Variants in CASR observed in about 807,000 individuals in gnomAD.
The protein encoded by CASR is calcium sensing receptor.
In CASR, 23 loss-of-function variants were observed where a neutral mutation model predicts 69.1. That is an observed-to-expected ratio of 0.33 (90% CI 0.24 to 0.47). The LOEUF is 0.47. Among genes scored for constraint, CASR ranks in the 20% least tolerant of loss-of-function variants. The pLI, the probability that CASR is intolerant of heterozygous loss-of-function variation, is 1.00. For synonymous variants in CASR, 541 were observed against 544.7 expected (o/e 0.99, Z 0.10); for missense variants, 924 against 1,356.1 (o/e 0.68, Z 5.00).
chr3:122,205,829 C>A (rs1237262299), intron 1 of CASR, among the ~76,000 whole-genome samples: 1 of 151,776 alleles, frequency 6.6e-6, no homozygotes, highest in African/African-American at 2.4e-5. Flanking sequence ...TTCTTTGTAG[C>A]TATTATAAAT....
At chr3:122,252,413 G>GGAA (rs1559954277) in intron 1 of CASR, among the ~76,000 whole-genome samples, 13 of 20,702 alleles carry the variant, frequency 6.3e-4, no homozygotes, top group East Asian at 3.4e-3. Context: ...GAAGGAAAAA[G>GGAA]AAAGAAAGAA....
intron 4 of CASR, among the ~76,000 whole-genome samples, chr3:122,274,734 T>C (rs765065783): frequency 1.2e-4 from 18 of 152,124 alleles, no homozygotes; most frequent in Non-Finnish European, 2.1e-4. Flanking sequence ...AGACCTTGTC[T>C]CTACAAAACC....
At chr3:122,232,011 G>A (rs1451292110) in intron 1 of CASR, among the ~76,000 whole-genome samples, 2 of 152,154 alleles carry the variant, frequency 1.3e-5, no homozygotes, top group Non-Finnish European at 2.9e-5. Flanking sequence ...CAGGAAGGAC[G>A]ACGTGGGGAT....
intron 4 of CASR, among the ~76,000 whole-genome samples, chr3:122,264,094 A>G (rs1021253377): frequency 9.2e-6 from 1 of 108,276 alleles, no homozygotes; most frequent in Admixed American, 1.1e-4. Context: ...TCAAGACCAG[A>G]CCTTGGACCT....
chr3:122,237,930 GTA>G (rs2074344533), intron 1 of CASR, among the ~76,000 whole-genome samples: 1 of 152,102 alleles, frequency 6.6e-6, no homozygotes, highest in South Asian at 2.1e-4. Flanking sequence ...CCACTTCTAG[GTA>G]TATATTCAAC....
intron 1 of CASR, among the ~76,000 whole-genome samples, chr3:122,207,162 G>GCT (rs1250292980): frequency 6.6e-6 from 1 of 151,884 alleles, no homozygotes; most frequent in Non-Finnish European, 1.5e-5. Flanking sequence ...AATATTAATA[G>GCT]CTCTAAAGGG....
Position 122,254,245 on chromosome 3 carries a change from C to A in CASR, c.56C>A (p.Ala19Asp). 1 of 1,613,934 alleles carries A rather than the reference C, an allele frequency of 6.2e-7. No individual in the cohort carries two copies. Among genetic ancestry groups the A allele is most frequent in the Non-Finnish European group, 8.5e-7 (1 of 1,180,030 alleles). ...TTGGCACTCACCTGGCACACCTCTG[C>A]CTACGGGCCAGACCAGCGAGCCCAA... is the stretch of plus-strand genomic sequence containing the variant. Reference protein sequence around the residue: ...VLLALTWHTSAYGPDQRAQKK... With the variant: ...VLLALTWHTSDYGPDQRAQKK... The change falls in exon 2 of 7, where the codon GCC (alanine) becomes GAC (aspartate). Residue 19 changes from alanine to aspartate, a missense_variant. Around this residue, in one of 8 missense-constraint regions of CASR, gnomAD observed 28 missense variants for 22.1 expected, o/e 1.27. Transcript: ENST00000639785.
intron 1 of CASR, among the ~76,000 whole-genome samples, chr3:122,196,347 T>C (rs2073890253): frequency 6.6e-6 from 1 of 152,168 alleles, no homozygotes; most frequent in Non-Finnish European, 1.5e-5. Flanking sequence ...AGAGAAATGA[T>C]ATCAAACTAG....
chr3:122,277,011 TTTTTA>T (rs2074829906), intron 5 of CASR, among the ~76,000 whole-genome samples: 1 of 33,748 alleles, frequency 3.0e-5, no homozygotes, highest in South Asian at 2.6e-3. Context: ...GCATTTGCCT[TTTTTA>T]TTATCACCTT....
intron 1 of CASR, among the ~76,000 whole-genome samples, chr3:122,243,271 GC>G: frequency 6.6e-6 from 1 of 152,200 alleles, no homozygotes; most frequent in South Asian, 2.1e-4. Context: ...TCGCAAACTA[GC>G]CATCTGACAA....
intron 1 of CASR, among the ~76,000 whole-genome samples, chr3:122,215,028 G>A (rs2074103522): frequency 6.6e-6 from 1 of 152,198 alleles, no homozygotes; most frequent in Admixed American, 6.5e-5. Context: ...GAAGGAAGGA[G>A]GTAGGTCTAT....
At chr3:122,248,989 A>C (rs1243670960) in intron 1 of CASR, among the ~76,000 whole-genome samples, 2 of 152,150 alleles carry the variant, frequency 1.3e-5, no homozygotes, top group Non-Finnish European at 2.9e-5. Context: ...GATGCTGAGG[A>C]TGCAGCTATG....
intron 4 of CASR, among the ~76,000 whole-genome samples, chr3:122,275,386 G>A (rs1174632240): frequency 1.3e-5 from 2 of 152,218 alleles, no homozygotes; most frequent in Non-Finnish European, 2.9e-5. Context: ...AAAGTGCGGA[G>A]AATAAGAGCA....
intron 1 of CASR, among the ~76,000 whole-genome samples, chr3:122,203,933 CTTTAG>C (rs1384546859): frequency 1.3e-5 from 2 of 151,778 alleles, no homozygotes; most frequent in African/African-American, 2.4e-5. Flanking sequence ...TCTTATACAT[CTTTAG>C]TTTATTTTCC....
At chr3:122,269,876 C>T (rs1205086879) in intron 4 of CASR, among the ~76,000 whole-genome samples, 1 of 151,966 alleles carries the variant, frequency 6.6e-6, no homozygotes, top group African/African-American at 2.4e-5. Flanking sequence ...GAGTCTTGCT[C>T]TGTCACCCAG....
At position 122,284,649 on chromosome 3, in the gene CASR, T is replaced by C. The variant is rs201919386; in HGVS notation, c.2695T>C (p.Ser899Pro). The change falls in exon 7 of 7, where the codon TCC becomes CCC. Residue 899 changes from serine to proline, a missense_variant. Ser to Pro is a moderately conservative substitution (Grantham distance 74). Transcript: ENST00000639785. The part of the protein sequence containing the change: ...LRRSNVSRKR[S>P]SSLGGSTGST... ...CCGCAGCAACGTCTCCCGCAAGCGG[T>C]CCAGCAGCCTTGGAGGCTCCACGGG... The C allele has an allele frequency of 1.9e-6, 3 of 1,613,726 alleles. No individual in the cohort carries two copies. The highest frequency in any genetic ancestry group is 2.5e-6 in the Non-Finnish European group (3 of 1,179,898).
chr3:122,204,077 A>G (rs953159018), intron 1 of CASR, among the ~76,000 whole-genome samples: 18 of 152,008 alleles, frequency 1.2e-4, no homozygotes, highest in African/African-American at 4.4e-4. Flanking sequence ...CACCTTAAAT[A>G]CTTGTCATTT....
chr3:122,193,894 G>T (rs1244640017), intron 1 of CASR, among the ~76,000 whole-genome samples: 1 of 151,932 alleles, frequency 6.6e-6, no homozygotes, highest in African/African-American at 2.4e-5. Flanking sequence ...TTATTGGAAG[G>T]GTTTTTATAC....
At chr3:122,241,965 G>A (rs1240774591) in intron 1 of CASR, among the ~76,000 whole-genome samples, 1 of 151,948 alleles carries the variant, frequency 6.6e-6, no homozygotes, top group East Asian at 1.9e-4. Context: ...AAAAAGCATT[G>A]GATAAAGTTC....
Sources: gnomAD v4.1 joint callset for allele counts (sites outside exome capture counted in the v4.1 genomes callset) on GRCh38, gnomAD v4.1.1 for gene constraint, gnomAD v4.1.1 regional missense constraint, MANE v1.5 for transcripts, NCBI Gene and HGNC (gene_info 2026-07-23, HGNC 2026-07-21) for gene names.